SCN1A: variants seen among roughly 807,000 people sequenced by gnomAD.
SCN1A encodes the protein sodium voltage-gated channel alpha subunit 1.
In SCN1A, 13 loss-of-function variants were observed where a neutral mutation model predicts 193.7. The ratio of observed to expected loss-of-function variants is 0.07; its 90% CI spans 0.04 to 0.11. The LOEUF (loss-of-function observed/expected upper bound fraction) is 0.11. Among genes scored for constraint, SCN1A ranks in the 10% least tolerant of loss-of-function variants. The pLI, the probability that SCN1A is intolerant of heterozygous loss-of-function variation, is 1.00. For missense variants in SCN1A, 1,432 were observed against 2,451.1 expected, an observed-to-expected ratio of 0.58 and a Z score of 8.78; for synonymous variants, 781 against 843.6, an observed-to-expected ratio of 0.93 and a Z score of 1.29.
At chr2:166,019,048 G>A (rs999762834) in intron 19 of SCN1A, among the ~76,000 whole-genome samples, 1 of 152,120 alleles carries the variant, frequency 6.6e-6, no homozygotes, top group African/African-American at 2.4e-5. Flanking sequence ...TGGGACCATG[G>A]GTGGGCTGTA....
intron 16 of SCN1A, 126 bp downstream of exon 16, chr2:166,041,105 T>C (rs935874128): frequency 1.9e-5 from 15 of 776,374 alleles, no homozygotes; most frequent in Non-Finnish European, 2.5e-5. Context: ...CTAAATATAA[T>C]TGCGATTTTG....
Position 166,073,339 on chromosome 2 carries a change from C to T in SCN1A, c.264+19G>A. 6.2e-7 allele frequency: 1 copy of T among 1,612,788 alleles called. No homozygotes were observed. Among genetic ancestry groups the T allele is most frequent in the Non-Finnish European group, 8.5e-7 (1 of 1,179,972 alleles). ...AGTAGGCAATTAGCAGCAAAATATG[C>T]CTGATAAAAAACACTCACTTTCTTA... On this transcript the variant is annotated intron_variant, in intron 4 of 28. Transcript: ENST00000674923.
At chr2:166,135,246 AAG>A (rs1691811309) in intron 1 of SCN1A, among the ~76,000 whole-genome samples, 1 of 152,172 alleles carries the variant, frequency 6.6e-6, no homozygotes, top group Admixed American at 6.5e-5. Context: ...CTACCTATTG[AAG>A]AGTTTCAATT....
intron 19 of SCN1A, among the ~76,000 whole-genome samples, chr2:166,031,658 T>C (rs1695572876): frequency 6.6e-6 from 1 of 152,132 alleles, no homozygotes; most frequent in Non-Finnish European, 1.5e-5. Context: ...TTACCAGTAG[T>C]AATTCTTGTA....
chr2:166,126,029 C>T (rs1477616162), intron 2 of SCN1A, among the ~76,000 whole-genome samples: 2 of 152,116 alleles, frequency 1.3e-5, no homozygotes, highest in African/African-American at 2.4e-5. Flanking sequence ...GAAAAACAGC[C>T]ACACAAATGA....
intron 1 of SCN1A, among the ~76,000 whole-genome samples, chr2:166,146,522 A>G (rs1361626073): frequency 6.6e-6 from 1 of 152,186 alleles, no homozygotes. Context: ...TGGTCATCAC[A>G]ACTGAGGGTT....
chr2:166,020,162 G>A (rs1693843580), intron 19 of SCN1A, among the ~76,000 whole-genome samples: 1 of 151,852 alleles, frequency 6.6e-6, no homozygotes, highest in Non-Finnish European at 1.5e-5. Flanking sequence ...CACCCGTCTC[G>A]GCCTCCCAAA....
chr2:166,048,033 A>G (rs1232908657), intron 10 of SCN1A, among the ~76,000 whole-genome samples: 9 of 151,942 alleles, frequency 5.9e-5, no homozygotes. Flanking sequence ...CCTCCATTTC[A>G]TTTTTACTAC....
At chr2:166,088,056 TTGTGTGTGTGTGTG>T (rs10525602) in intron 2 of SCN1A, among the ~76,000 whole-genome samples, 7 of 146,842 alleles carry the variant, frequency 4.8e-5, no homozygotes, top group African/African-American at 1.8e-4. Context: ...ATCTGTGTGT[TTGTGTGTGTGTGTG>T]TGTGTGTGTG....
rs1465455237 is a variant in SCN1A, at chr2:165,986,840, G to A, written c.*4405C>T. On this transcript the variant is annotated 3_prime_UTR_variant, in exon 29 of 29. Coordinates refer to ENST00000674923, the MANE Select transcript of SCN1A (RefSeq NM_001165963.4). ...TCAAGAATGAGCTGCAGACATTGTT[G>A]CATTCACCCCTAAATACTTTAGCAT... The A allele has an allele frequency of 6.6e-6, 1 of 151,732 alleles. No homozygotes were observed. The highest frequency in any genetic ancestry group is 1.5e-5 in the Non-Finnish European group (1 of 67,926). The allele number at this position is 151,732 out of a possible 1,614,324, so 9.4% of individuals were successfully genotyped here. A position where few individuals can be genotyped will look rare whatever the true frequency, so the allele number is the denominator to read the frequency against.
intron 2 of SCN1A, among the ~76,000 whole-genome samples, chr2:166,121,791 G>T (rs879750561): frequency 4.6e-5 from 7 of 152,148 alleles, no homozygotes; most frequent in African/African-American, 1.4e-4. Flanking sequence ...AGGCTGAATT[G>T]TATCCTCCCC....
intron 12 of SCN1A, among the ~76,000 whole-genome samples, chr2:166,045,641 A>T (rs111741051): frequency 2.6e-5 from 4 of 152,200 alleles, no homozygotes; most frequent in African/African-American, 7.2e-5. Context: ...GATTTGATTT[A>T]CTTTAAAAAT....
intron 2 of SCN1A, among the ~76,000 whole-genome samples, chr2:166,085,172 A>G (rs1020776438): frequency 1.3e-5 from 2 of 152,176 alleles, no homozygotes; most frequent in Admixed American, 1.3e-4. Flanking sequence ...TTCCAGCACA[A>G]CAATGGTATG....
chr2:166,108,151 G>A (rs1688895391), intron 2 of SCN1A, among the ~76,000 whole-genome samples: 1 of 151,832 alleles, frequency 6.6e-6, no homozygotes, highest in African/African-American at 2.4e-5. Context: ...AGAAGATTTG[G>A]GTAGATACTT....
chr2:166,122,208 A>G (rs1037169398), intron 2 of SCN1A, among the ~76,000 whole-genome samples: 4 of 152,202 alleles, frequency 2.6e-5, no homozygotes, highest in African/African-American at 7.2e-5. Flanking sequence ...AGTTTCCCCA[A>G]TGGTATCTGT....
At chr2:166,104,571 C>T (rs1688485621) in intron 2 of SCN1A, among the ~76,000 whole-genome samples, 2 of 152,008 alleles carry the variant, frequency 1.3e-5, no homozygotes, top group Admixed American at 6.6e-5. Context: ...GGCAAAACCC[C>T]GTCTCTACAA....
At chr2:166,124,787 C>T (rs556475650) in intron 2 of SCN1A, among the ~76,000 whole-genome samples, 2 of 152,284 alleles carry the variant, frequency 1.3e-5, no homozygotes, top group African/African-American at 4.8e-5. Context: ...TGCTTGGATT[C>T]TGCCACTTAC....
intron 25 of SCN1A, among the ~76,000 whole-genome samples, chr2:165,998,842 G>A (rs571850080): frequency 3.9e-4 from 59 of 151,364 alleles, no homozygotes; most frequent in Admixed American, 1.3e-3. Context: ...AAATATAAGT[G>A]ACAAAGTGAA....
intron 2 of SCN1A, among the ~76,000 whole-genome samples, chr2:166,112,419 T>C (rs1689394402): frequency 6.6e-6 from 1 of 152,170 alleles, no homozygotes; most frequent in South Asian, 2.1e-4. Context: ...ATCACATACC[T>C]AATAGACTAT....
Sources: allele counts gnomAD v4.1 joint callset (sites outside exome capture counted in the v4.1 genomes callset), GRCh38; gene constraint gnomAD v4.1.1; transcripts MANE v1.5; gene names NCBI Gene and HGNC (gene_info 2026-07-23, HGNC 2026-07-21).